MTUS2: variants seen among roughly 807,000 people sequenced by gnomAD.
The protein encoded by MTUS2 is microtubule associated scaffold protein 2.
MTUS2 carries 40 observed loss-of-function variants against 114.1 expected under a neutral mutation model. That is an observed-to-expected ratio of 0.35 (90% CI 0.27 to 0.46). The LOEUF is 0.46. MTUS2 is among the 20% of genes least tolerant of loss of function. The pLI is 1.00. For missense variants in MTUS2, 1,679 were observed against 1,705.4 expected, an observed-to-expected ratio of 0.98 and a Z score of 0.27; for synonymous variants, 688 against 672.0, an observed-to-expected ratio of 1.02 and a Z score of -0.37.
intron 2 of MTUS2, among the ~76,000 whole-genome samples, chr13:28,925,075 C>T (rs1881255302): frequency 1.3e-5 from 2 of 152,082 alleles, no homozygotes; most frequent in Admixed American, 1.3e-4. Flanking sequence ...GCTAAGAGGA[C>T]AGTGAGATGC....
intron 5 of MTUS2, among the ~76,000 whole-genome samples, chr13:29,124,900 G>A (rs987825915): frequency 6.6e-6 from 1 of 152,100 alleles, no homozygotes; most frequent in African/African-American, 2.4e-5. Flanking sequence ...TCATAGAGAC[G>A]GAAAGTAAAA....
chr13:29,095,511 G>A (rs1890141052), intron 4 of MTUS2, among the ~76,000 whole-genome samples: 1 of 151,720 alleles, frequency 6.6e-6, no homozygotes, highest in Non-Finnish European at 1.5e-5. Context: ...GGTTTTCCTT[G>A]ATCTTCTGAT....
chr13:29,487,214 G>A (rs1881681105), intron 10 of MTUS2, among the ~76,000 whole-genome samples: 2 of 152,140 alleles, frequency 1.3e-5, no homozygotes, highest in African/African-American at 4.8e-5. Flanking sequence ...ACCTGGTATT[G>A]GCGAGAGAAT....
At chr13:29,194,579 A>C (rs542636476) in intron 5 of MTUS2, among the ~76,000 whole-genome samples, 3 of 152,084 alleles carry the variant, frequency 2.0e-5, no homozygotes, top group East Asian at 3.9e-4. Flanking sequence ...GGCAATCATT[A>C]AAAAGTCAGG....
chr13:29,085,238 A>T (rs1389526319), intron 4 of MTUS2, among the ~76,000 whole-genome samples: 1 of 152,208 alleles, frequency 6.6e-6, no homozygotes, highest in Non-Finnish European at 1.5e-5. Context: ...GAGCAAAAGT[A>T]AACCTCTTTT....
At chr13:29,251,147 C>T (rs1174222484) in intron 5 of MTUS2, among the ~76,000 whole-genome samples, 1 of 152,002 alleles carries the variant, frequency 6.6e-6, no homozygotes, top group Non-Finnish European at 1.5e-5. Context: ...TGAGTGAATA[C>T]GAGAACAAGA....
intron 2 of MTUS2, among the ~76,000 whole-genome samples, chr13:29,023,743 A>T (rs1203819976): frequency 6.6e-6 from 1 of 152,234 alleles, no homozygotes; most frequent in African/African-American, 2.4e-5. Flanking sequence ...CAGTTAGGCC[A>T]GTTATTTTGC....
At chr13:29,115,804 C>T (rs1473139125) in intron 5 of MTUS2, among the ~76,000 whole-genome samples, 2 of 152,158 alleles carry the variant, frequency 1.3e-5, no homozygotes, top group East Asian at 3.8e-4. Context: ...CTTGTTTGGG[C>T]CTCAGGTTCT....
At chr13:29,059,229 T>A (rs1384794442) in intron 4 of MTUS2, among the ~76,000 whole-genome samples, 1 of 10,308 alleles carries the variant, frequency 9.7e-5, no homozygotes, top group African/African-American at 3.2e-4. Flanking sequence ...ATTCTTTGGA[T>A]TTTTTTTTTT....
chr13:29,024,697 C>T lies in MTUS2; in HGVS notation c.-2C>T. On this transcript the variant is annotated 5_prime_UTR_variant, in exon 3 of 16. Transcript: ENST00000612955. ...GCAAGCAGCCCCACCAAAGGGTTGA[C>T]AATGAGCGTCCCAGTGGCTCCTAAG... is the stretch of plus-strand genomic sequence containing the variant. 4 of 1,613,144 alleles carry T rather than the reference C, an allele frequency of 2.5e-6. No homozygotes were observed. The highest frequency in any genetic ancestry group is 3.4e-6 in the Non-Finnish European group (4 of 1,179,494).
intron 5 of MTUS2, 46 bp downstream of exon 5, chr13:29,101,016 C>A: frequency 2.0e-6 from 3 of 1,482,308 alleles, no homozygotes; most frequent in Non-Finnish European, 1.8e-6. Context: ...GAATTAAAAC[C>A]GGCGCGCCTG....
At chr13:29,067,527 G>A (rs1290832990) in intron 4 of MTUS2, among the ~76,000 whole-genome samples, 1 of 152,170 alleles carries the variant, frequency 6.6e-6, no homozygotes, top group Non-Finnish European at 1.5e-5. Flanking sequence ...TTAGTAAAAC[G>A]TGGGAGTGGA....
chr13:29,001,270 G>A (rs1014590380), intron 2 of MTUS2, among the ~76,000 whole-genome samples: 1 of 152,166 alleles, frequency 6.6e-6, no homozygotes, highest in African/African-American at 2.4e-5. Context: ...TGGCTATAGG[G>A]TTCATCATAA....
At chr13:28,937,954 T>C (rs1484734890) in intron 2 of MTUS2, among the ~76,000 whole-genome samples, 1 of 152,196 alleles carries the variant, frequency 6.6e-6, no homozygotes, top group Non-Finnish European at 1.5e-5. Context: ...TCCTAACCAC[T>C]GACCCACACT....
intron 7 of MTUS2, among the ~76,000 whole-genome samples, chr13:29,345,129 G>T (rs968173485): frequency 6.6e-6 from 1 of 152,106 alleles, no homozygotes; most frequent in African/African-American, 2.4e-5. Flanking sequence ...CTGATGACTA[G>T]GTGCCTAGGC....
At chr13:28,962,281 A>G (rs1883366871) in intron 2 of MTUS2, among the ~76,000 whole-genome samples, 1 of 152,038 alleles carries the variant, frequency 6.6e-6, no homozygotes. Context: ...ATGTGTTTTC[A>G]TCTCTCTTCT....
At chr13:29,315,704 A>G (rs1303358988) in intron 6 of MTUS2, among the ~76,000 whole-genome samples, 1 of 152,160 alleles carries the variant, frequency 6.6e-6, no homozygotes, top group Non-Finnish European at 1.5e-5. Context: ...AATGAGAGCA[A>G]GCATGTGACT....
At chr13:29,048,747 G>C (rs895659999) in intron 4 of MTUS2, among the ~76,000 whole-genome samples, 1 of 152,170 alleles carries the variant, frequency 6.6e-6, no homozygotes, top group African/African-American at 2.4e-5. Flanking sequence ...TGGGATTACA[G>C]GCACACACCC....
chr13:28,987,562 CTG>C (rs1384039249), intron 2 of MTUS2, among the ~76,000 whole-genome samples: 1 of 152,138 alleles, frequency 6.6e-6, no homozygotes, highest in South Asian at 2.1e-4. Context: ...AAGGTAAAGA[CTG>C]TGTGGGAACC....
Sources: allele counts gnomAD v4.1 joint callset (sites outside exome capture counted in the v4.1 genomes callset), GRCh38; gene constraint gnomAD v4.1.1; transcripts MANE v1.5; gene names NCBI Gene and HGNC (gene_info 2026-07-23, HGNC 2026-07-21).